Variants in HYCC1 observed in about 807,000 individuals in gnomAD.
HYCC1 encodes the protein hyccin PI4KA lipid kinase complex subunit 1.
the HYCC1 span, chr7:22,946,236 A>G: frequency 1.8e-3 from 2,150 of 1,193,938 alleles, 5 homozygotes; most frequent in Non-Finnish European, 2.3e-3. Context: ...TTAACACCAA[A>G]TCAGTTATGC....
the HYCC1 span, among the ~76,000 whole-genome samples, chr7:23,007,848 A>G: frequency 1.3e-5 from 2 of 152,230 alleles, no homozygotes; most frequent in East Asian, 3.9e-4. Flanking sequence ...CCATATGATC[A>G]TCTCAAGGTA....
the HYCC1 span, among the ~76,000 whole-genome samples, chr7:22,963,218 G>C: frequency 6.6e-6 from 1 of 152,166 alleles, no homozygotes; most frequent in African/African-American, 2.4e-5. Context: ...GATAAAGCAA[G>C]CAGTGGAACT....
chr7:22,946,111 G>A, the HYCC1 span: 69 of 1,612,980 alleles, frequency 4.3e-5, no homozygotes, highest in Non-Finnish European at 5.3e-5. Context: ...AAAATCCCTC[G>A]TCAACTTCAG....
At chr7:22,917,767 A>T in the HYCC1 span, among the ~76,000 whole-genome samples, 4 of 152,136 alleles carry the variant, frequency 2.6e-5, no homozygotes, top group East Asian at 3.8e-4. Context: ...ACCTCAAACC[A>T]CCACCCTTAA....
At chr7:22,921,930 T>C in the HYCC1 span, among the ~76,000 whole-genome samples, 1 of 152,060 alleles carries the variant, frequency 6.6e-6, no homozygotes, top group Non-Finnish European at 1.5e-5. Flanking sequence ...GATAGGTTAA[T>C]ATGTATAGGA....
chr7:22,903,370 A>T, the HYCC1 span, among the ~76,000 whole-genome samples: 1 of 152,328 alleles, frequency 6.6e-6, no homozygotes, highest in African/African-American at 2.4e-5. Context: ...AATAACCAAG[A>T]ATTTAAAAAC....
chr7:22,930,393 G>GAAAAAAAAAAAAAAA, the HYCC1 span, among the ~76,000 whole-genome samples: 1 of 101,094 alleles, frequency 9.9e-6, no homozygotes, highest in East Asian at 4.3e-4. Context: ...AAAAGAAAAA[G>GAAAAAAAAAAAAAAA]AAAAAAAAAA....
the HYCC1 span, among the ~76,000 whole-genome samples, chr7:22,992,132 T>C: frequency 7.7e-6 from 1 of 130,638 alleles, no homozygotes; most frequent in African/African-American, 2.8e-5. Context: ...CTATGCAATA[T>C]TATTATTATT....
chr7:22,903,631 A>C, the HYCC1 span, among the ~76,000 whole-genome samples: 3 of 152,364 alleles, frequency 2.0e-5, no homozygotes, highest in South Asian at 4.1e-4. Context: ...AATTTTATCA[A>C]TCAAGGAAGA....
At chr7:22,934,688 C>T in the HYCC1 span, 1 of 152,136 alleles carries the variant, frequency 6.6e-6, no homozygotes, top group Non-Finnish European at 1.5e-5. Context: ...GGGTGAAGTC[C>T]AGAGGAAACC....
the HYCC1 span, among the ~76,000 whole-genome samples, chr7:22,912,951 C>A: frequency 6.6e-6 from 1 of 152,196 alleles, no homozygotes; most frequent in South Asian, 2.1e-4. Context: ...TGGATGAAAC[C>A]TGTCTCTAGT....
the HYCC1 span, among the ~76,000 whole-genome samples, chr7:22,992,144 T>TTAC: frequency 0.35 from 53,335 of 151,510 alleles, 9,415 homozygotes; most frequent in East Asian, 0.47. Context: ...ATTATTATTA[T>TTAC]TAATTCTTAT....
At chr7:22,985,361 C>A in the HYCC1 span, among the ~76,000 whole-genome samples, 1 of 152,184 alleles carries the variant, frequency 6.6e-6, no homozygotes, top group Non-Finnish European at 1.5e-5. Context: ...TCTGCAACCA[C>A]AGCACTCACC....
At chr7:22,969,531 T>C in the HYCC1 span, among the ~76,000 whole-genome samples, 3 of 151,260 alleles carry the variant, frequency 2.0e-5, no homozygotes, top group African/African-American at 4.9e-5. Flanking sequence ...TTTGGTTTTT[T>C]TTTTTTTGAG....
At chr7:22,965,340 A>G in the HYCC1 span, among the ~76,000 whole-genome samples, 1 of 151,870 alleles carries the variant, frequency 6.6e-6, no homozygotes, top group African/African-American at 2.4e-5. Flanking sequence ...TAAAAACCAC[A>G]AAGGAAATAA....
the HYCC1 span, among the ~76,000 whole-genome samples, chr7:22,963,328 G>A: frequency 6.6e-6 from 1 of 152,270 alleles, no homozygotes; most frequent in Non-Finnish European, 1.5e-5. Context: ...CAACATGCAT[G>A]AACAGATGAA....
chr7:22,988,162 T>C, the HYCC1 span, among the ~76,000 whole-genome samples: 2 of 152,128 alleles, frequency 1.3e-5, no homozygotes, highest in Non-Finnish European at 2.9e-5. Context: ...CTCCAAATAA[T>C]TATCAGGAAT....
At chr7:22,940,387 G>A in the HYCC1 span, 2 of 151,600 alleles carry the variant, frequency 1.3e-5, no homozygotes, top group East Asian at 3.9e-4. Flanking sequence ...GAGTAGCTGG[G>A]ACTACAGGTG....
At chr7:22,921,615 A>T in the HYCC1 span, among the ~76,000 whole-genome samples, 4 of 152,230 alleles carry the variant, frequency 2.6e-5, no homozygotes, top group Non-Finnish European at 4.4e-5. Flanking sequence ...CTTGGTATAC[A>T]TAGGGGATTA....
Sources: gnomAD v4.1 joint callset for allele counts (sites outside exome capture counted in the v4.1 genomes callset) on GRCh38, gnomAD v4.1.1 for gene constraint, MANE v1.5 for transcripts, NCBI Gene and HGNC (gene_info 2026-07-23, HGNC 2026-07-21) for gene names.